Variants in ZBTB17 observed in about 807,000 individuals in gnomAD.
The protein encoded by ZBTB17 is zinc finger and BTB domain-containing protein 17.
In ZBTB17, 24 loss-of-function variants were observed where a neutral mutation model predicts 85.1. That is an observed-to-expected ratio of 0.28 (90% CI 0.20 to 0.40). The LOEUF (loss-of-function observed/expected upper bound fraction) is 0.40. Among genes scored for constraint, ZBTB17 ranks in the 10% least tolerant of loss-of-function variants. ZBTB17 has a pLI of 1.00. For synonymous variants in ZBTB17, 464 were observed against 460.2 expected, an observed-to-expected ratio of 1.01 and a Z score of -0.11; for missense variants, 743 against 1,105.1, an observed-to-expected ratio of 0.67 and a Z score of 4.65.
intron 14 of ZBTB17, 53 bp downstream of exon 14, chr1:15,942,476 C>T: frequency 6.2e-7 from 1 of 1,610,784 alleles, no homozygotes; most frequent in Non-Finnish European, 8.5e-7. Flanking sequence ...CCCATCATCG[C>T]CACCCTGGCA....
rs1434651524 is a variant in ZBTB17 at position 15,964,604 on chromosome 1, C to T, written c.-3+8435G>A. 6.6e-6 allele frequency among the ~76,000 whole-genome samples: 1 copy of T among 152,146 alleles called. No individual in the cohort carries two copies. The highest frequency in any genetic ancestry group is 1.5e-5 in the Non-Finnish European group (1 of 68,044). On this transcript the variant is annotated intron_variant, in intron 2 of 15. Transcript: ENST00000375743. This position sits in a 1 kb window ranked among gnomAD's most constrained non-coding sequence, Gnocchi z 4.3. The stretch of plus-strand genomic sequence containing the variant: ...TGGTGGCGTGTGCCTCTAGTCTCAG[C>T]TACTTGGGAGGCTGAGGCGGAAGGA...
At chr1:15,971,026 G>C (rs890413104) in intron 2 of ZBTB17, among the ~76,000 whole-genome samples, 10 of 150,770 alleles carry the variant, frequency 6.6e-5, no homozygotes, top group Non-Finnish European at 1.3e-4. Flanking sequence ...TCAATAGAGG[G>C]AAAAAAAAAG....
chr1:15,951,564 C>T lies in ZBTB17; in HGVS notation c.-2-3067G>A, dbSNP rs72893637. On this transcript the variant is annotated intron_variant, in intron 2 of 15. Coordinates refer to ENST00000375743, the MANE Select transcript of ZBTB17 (RefSeq NM_003443.3). This position sits in a 1 kb window ranked among gnomAD's most constrained non-coding sequence, Gnocchi z 4.1. ...AGGGTCCCCCAGGCTGTTCCCCAGCCGGGAAGCTTTAACAGCCCCTCTCTC... is the reference window on the plus strand; with the variant it reads ...AGGGTCCCCCAGGCTGTTCCCCAGCTGGGAAGCTTTAACAGCCCCTCTCTC... Among the ~76,000 whole-genome samples the T allele has an allele frequency of 7.2e-3, 1,099 of 152,232 alleles. 24 individuals are homozygous for T. The highest frequency in any genetic ancestry group is 0.025 in the African/African-American group (1,039 of 41,544).
Position 15,942,130 on chromosome 1 carries a change from C to A in ZBTB17, c.2251G>T (p.Ala751Ser), listed in dbSNP as rs746467058. The change falls in exon 16 of 16, where the codon GCG (alanine) becomes TCG (serine). Residue 751 changes from alanine (A) to serine (S), a missense_variant. Physicochemically the swap from Ala to Ser is moderately conservative, Grantham distance 99 (BLOSUM62 1). Transcript: ENST00000375743. ...AQALVMFQTD[A>S]DFYQQYGPGG... ...GGCCCATACTGCTGATAGAAGTCCG[C>A]GTCTGTCTGGAACATGACCAGTGCC... 6.2e-7 allele frequency: 1 copy of A among 1,613,516 alleles called. No homozygotes were observed. Among genetic ancestry groups the A allele is most frequent in the Admixed American group, 1.7e-5 (1 of 60,032 alleles).
At chr1:15,959,316 G>A (rs2072163073) in intron 2 of ZBTB17, among the ~76,000 whole-genome samples, 1 of 152,080 alleles carries the variant, frequency 6.6e-6, no homozygotes, top group Middle Eastern at 3.2e-3. Flanking sequence ...CATTTCTGTA[G>A]GGTATACACA....
intron 4 of ZBTB17, among the ~76,000 whole-genome samples, chr1:15,946,684 G>C (rs2071624050): frequency 6.6e-6 from 1 of 152,226 alleles, no homozygotes; most frequent in Non-Finnish European, 1.5e-5. Context: ...GGGCTCAGGA[G>C]AACAGACCCG....
At position 15,952,234 on chromosome 1, in the gene ZBTB17, C is replaced by A. The variant is rs1337120330; in HGVS notation, c.-2-3737G>T. On this transcript the variant is annotated intron_variant, in intron 2 of 15. Transcript: ENST00000375743. This position sits in a 1 kb window ranked among gnomAD's most constrained non-coding sequence, Gnocchi z 4.3. ...GCTGCAATCGGGCACCTTTTCCCAA[C>A]ACCTCTAGTCACTCAGTTTTTCTCC... Among the ~76,000 whole-genome samples the A allele has an allele frequency of 6.6e-6, 1 of 152,210 alleles. No individual in the cohort carries two copies. Among genetic ancestry groups the A allele is most frequent in the Non-Finnish European group, 1.5e-5 (1 of 68,040 alleles).
rs746503122 is a variant in ZBTB17 at position 15,942,245 on chromosome 1, G to A, written c.2136C>T (p.Asn712=). ...AVKQVQEEDP[N]THILYACDSC... The stretch of plus-strand genomic sequence containing the variant: ...AGTCACAGGCGTAGAGGATGTGAGT[G>A]TTGGGGTCTGTGGAGGTGGGGCAGC... Residue 712 remains asparagine (N), a synonymous_variant, in exon 16 of 16, where the codon AAC becomes AAT. Transcript: ENST00000375743. 1.2e-6 allele frequency: 2 copies of A among 1,613,314 alleles called. No individual in the cohort carries two copies. Among genetic ancestry groups the A allele is most frequent in the South Asian group, 2.2e-5 (2 of 91,082 alleles).
Position 15,951,474 on chromosome 1 carries a change from C to A in ZBTB17, c.-2-2977G>T, listed in dbSNP as rs913122852. On this transcript the variant is annotated intron_variant, in intron 2 of 15. Coordinates refer to ENST00000375743, the MANE Select transcript of ZBTB17 (RefSeq NM_003443.3). This position sits in a 1 kb window ranked among gnomAD's most constrained non-coding sequence, Gnocchi z 4.1. ...CGGACTAAGTGCTAAATGGTGTTACCCGCAGAACTGTGTCACTGTGGACTT... is the reference window on the plus strand; with the variant it reads ...CGGACTAAGTGCTAAATGGTGTTACACGCAGAACTGTGTCACTGTGGACTT... 2.6e-5 allele frequency among the ~76,000 whole-genome samples: 4 copies of A among 152,184 alleles called. No individual in the cohort carries two copies. Among genetic ancestry groups the A allele is most frequent in the African/African-American group, 9.6e-5 (4 of 41,456 alleles).
chr1:15,959,130 T>G (rs558837207), intron 2 of ZBTB17, among the ~76,000 whole-genome samples: 1 of 152,346 alleles, frequency 6.6e-6, no homozygotes, highest in East Asian at 1.9e-4. Flanking sequence ...GCCTTCCCAC[T>G]AAATACTATT....
At position 15,951,324 on chromosome 1, in the gene ZBTB17, AGAGG is replaced by A. The variant is rs113620578; in HGVS notation, c.-2-2831_-2-2828del. Among the ~76,000 whole-genome samples the A allele has an allele frequency of 1.9e-4, 27 of 138,792 alleles. No homozygotes were observed. Among genetic ancestry groups the A allele is most frequent in the African/African-American group, 6.8e-4 (26 of 38,208 alleles). The allele number at this position is 138,792 out of a possible 152,430, so 91.1% of individuals were successfully genotyped here. ...GAGAAGAAGGAAGGAAGGAAGGGAG[AGAGG>A]GAGGGAGGGAGGGGCCCTGTACCCA... On this transcript the variant is annotated intron_variant, in intron 2 of 15. Transcript: ENST00000375743. The surrounding 1 kb of genome is among the most constrained non-coding windows in gnomAD (Gnocchi z 4.1).
Position 15,953,342 on chromosome 1 carries a change from T to A in ZBTB17, c.-2-4845A>T, listed in dbSNP as rs571169139. 1.3e-5 allele frequency among the ~76,000 whole-genome samples: 2 copies of A among 152,126 alleles called. No individual in the cohort carries two copies. The highest frequency in any genetic ancestry group is 6.5e-5 in the Admixed American group (1 of 15,294). ...TTCAAAAATTTTAATAAGAAAAAAG[T>A]GAGGTTCAGTTGCCAGACTTGATCC... On this transcript the variant is annotated intron_variant, in intron 2 of 15. Transcript: ENST00000375743. This position sits in a 1 kb window ranked among gnomAD's most constrained non-coding sequence, Gnocchi z 5.1.
intron 2 of ZBTB17, among the ~76,000 whole-genome samples, chr1:15,957,455 G>A (rs938362474): frequency 2.0e-4 from 30 of 151,984 alleles, no homozygotes; most frequent in Non-Finnish European, 4.1e-4. Flanking sequence ...ATCTGGAGAG[G>A]AGCAGGTGTG....
rs774034034 is a variant in ZBTB17, at chr1:15,944,585, G to A, written c.1086C>T (p.Tyr362=). ...HEKTHSPLKP[Y]GCEECGKSYR... is the part of the protein sequence containing the mutation. ...AGCTCTTCCCGCACTCCTCGCAGCC[G>A]TAGGGCTTCAGAGGGCTGCAGGGCC... Residue 362 remains tyrosine, a synonymous_variant, in exon 9 of 16, where the codon TAC becomes TAT. Coordinates refer to ENST00000375743, the MANE Select transcript of ZBTB17 (RefSeq NM_003443.3). The A allele has an allele frequency of 2.5e-6, 4 of 1,599,154 alleles. No individual in the cohort carries two copies. Among genetic ancestry groups the A allele is most frequent in the South Asian group, 1.1e-5 (1 of 90,874 alleles).
chr1:15,950,197 C>CAGAG (rs979348274), intron 2 of ZBTB17, among the ~76,000 whole-genome samples: 46 of 152,366 alleles, frequency 3.0e-4, no homozygotes, highest in Admixed American at 2.2e-3. Flanking sequence ...GAGCAAAGCA[C>CAGAG]AGAGGCCTTT....
chr1:15,969,653 G>A, intron 2 of ZBTB17: 1 of 454,926 alleles, frequency 2.2e-6, no homozygotes. Context: ...ATTATCTCAG[G>A]ATGTCTCTTT....
rs117600202 is a variant in ZBTB17, at chr1:15,973,208, A to G, written c.-89-83T>C. The G allele has an allele frequency of 1.1e-4, 17 of 152,336 alleles. No homozygotes were observed. In the East Asian group the frequency reaches 3.3e-3, roughly 29 times the overall value. 9.4% of individuals were successfully genotyped at this position (152,336 alleles called of 1,614,324 possible). On this transcript the variant is annotated intron_variant, in intron 1 of 15. Transcript: ENST00000375743. The surrounding 1 kb of genome is among the most constrained non-coding windows in gnomAD (Gnocchi z 4.1). ...CTCAGAGCTGCCTTTTCATGCATCC[A>G]TCAAACATAGACAAATACAGAGTGC...
intron 2 of ZBTB17, among the ~76,000 whole-genome samples, chr1:15,965,109 G>A (rs184168464): frequency 4.9e-4 from 68 of 138,546 alleles, no homozygotes; most frequent in Admixed American, 1.6e-3. Flanking sequence ...GTGAGACTCC[G>A]TATCAAAAAA....
chr1:15,974,289 G>A (rs2072778951), intron 1 of ZBTB17, among the ~76,000 whole-genome samples: 1 of 149,420 alleles, frequency 6.7e-6, no homozygotes, highest in South Asian at 2.1e-4. Context: ...AAGAAGCTGG[G>A]ACCACCAGAG....
Sources: allele counts gnomAD v4.1 joint callset (sites outside exome capture counted in the v4.1 genomes callset), GRCh38; gene constraint gnomAD v4.1.1; non-coding constraint Gnocchi (gnomAD v3.1); transcripts MANE v1.5; gene names NCBI Gene and HGNC (gene_info 2026-07-23, HGNC 2026-07-21).